The following ERI3 variants were observed in gnomAD, a reference collection of about 807,000 sequenced individuals.
The protein encoded by ERI3 is ERI1 exoribonuclease 3.
ERI3 carries 18 observed loss-of-function variants against 44.4 expected under a neutral mutation model. The ratio of observed to expected loss-of-function variants is 0.41; its 90% CI spans 0.28 to 0.60. ERI3 has a LOEUF of 0.60. ERI3 is among the 20% of genes least tolerant of loss of function. The probability of loss-of-function intolerance (pLI) is 0.36; values close to 1 mark genes in which losing one functional copy is unlikely to be tolerated. For missense variants in ERI3, 294 were observed against 435.5 expected, an observed-to-expected ratio of 0.68 and a Z score of 2.89; for synonymous variants, 183 against 164.8, an observed-to-expected ratio of 1.11 and a Z score of -0.84.
chr1:44,314,920 G>C (rs937217738), intron 4 of ERI3, among the ~76,000 whole-genome samples: 2 of 152,142 alleles, frequency 1.3e-5, no homozygotes, highest in African/African-American at 4.8e-5. Context: ...GCCGCAAACC[G>C]AGCAGGCAGT....
chr1:44,337,550 C>A (rs1178641869), intron 3 of ERI3, among the ~76,000 whole-genome samples: 1 of 152,190 alleles, frequency 6.6e-6, no homozygotes, highest in Non-Finnish European at 1.5e-5. Context: ...AGCTCCCAAG[C>A]TGCATTCCCT....
intron 3 of ERI3, 60 bp from the exon 4 acceptor site, chr1:44,319,804 A>C: frequency 8.3e-7 from 1 of 1,210,868 alleles, no homozygotes; most frequent in East Asian, 2.3e-5. Context: ...CATTTCCAAC[A>C]GTAGCTCCAA....
intron 8 of ERI3, among the ~76,000 whole-genome samples, chr1:44,223,040 C>A (rs1643940630): frequency 6.6e-6 from 1 of 152,204 alleles, no homozygotes; most frequent in Non-Finnish European, 1.5e-5. Context: ...CTGCTTTGGG[C>A]AGGCAAGTCA....
Position 44,314,162 on chromosome 1 carries a change from G to GA in ERI3, c.607-935_607-934insT, listed in dbSNP as rs1491342935. The stretch of plus-strand genomic sequence containing the variant: ...TTTTTTTAAAGTGTGTTGGGGGGGG[G>GA]GAGATTAAACTCCAATTAAACTATA... On this transcript the variant is annotated intron_variant, in intron 4 of 8. Coordinates refer to ENST00000372257, the MANE Select transcript of ERI3 (RefSeq NM_024066.3). Among the ~76,000 whole-genome samples, 7 of 150,994 alleles carry GA rather than the reference G, an allele frequency of 4.6e-5. 1 individual carries two copies. The highest frequency in any genetic ancestry group is 2.0e-4 in the Admixed American group (3 of 15,188).
chr1:44,322,891 T>C (rs1294288553), intron 3 of ERI3: 2 of 1,536,086 alleles, frequency 1.3e-6, no homozygotes, highest in Non-Finnish European at 1.8e-6. Context: ...TAGCTGATAA[T>C]GATCAGAGAT....
At chr1:44,292,111 T>A (rs2154324332) in intron 6 of ERI3, among the ~76,000 whole-genome samples, 1 of 152,306 alleles carries the variant, frequency 6.6e-6, no homozygotes, top group South Asian at 2.1e-4. Flanking sequence ...AGACCAAACC[T>A]GTAATGGCCT....
At chr1:44,258,122 T>C (rs539846582) in intron 7 of ERI3, among the ~76,000 whole-genome samples, 2 of 152,300 alleles carry the variant, frequency 1.3e-5, no homozygotes. Context: ...GCCCAAAGCT[T>C]TGAACCTGGC....
At chr1:44,230,680 G>A (rs1644161595) in intron 8 of ERI3, among the ~76,000 whole-genome samples, 1 of 152,174 alleles carries the variant, frequency 6.6e-6, no homozygotes. Context: ...ACTTTCTTGT[G>A]AGCACATGCT....
chr1:44,319,784 T>A (rs1429136445), intron 3 of ERI3, 40 bp from the exon 4 acceptor site: 3 of 1,416,830 alleles, frequency 2.1e-6, no homozygotes, highest in Admixed American at 3.4e-5. Flanking sequence ...AATAAGTTAT[T>A]GTAATCAACC....
chr1:44,236,698 G>C (rs953075513), intron 8 of ERI3, among the ~76,000 whole-genome samples: 2 of 152,112 alleles, frequency 1.3e-5, no homozygotes, highest in African/African-American at 4.8e-5. Context: ...AGGGGGGCAG[G>C]AGAGGGCAGC....
intron 7 of ERI3, among the ~76,000 whole-genome samples, chr1:44,253,086 G>A (rs1644714722): frequency 6.6e-6 from 1 of 152,196 alleles, no homozygotes; most frequent in East Asian, 1.9e-4. Context: ...TACTCCAGAG[G>A]ATAGGGAAGA....
chr1:44,254,397 C>A (rs1644741661), intron 7 of ERI3, among the ~76,000 whole-genome samples: 1 of 152,176 alleles, frequency 6.6e-6, no homozygotes, highest in Non-Finnish European at 1.5e-5. Context: ...CTCCCAGCCC[C>A]CGCCTACCCC....
intron 6 of ERI3, among the ~76,000 whole-genome samples, chr1:44,295,414 T>C (rs1645590141): frequency 6.6e-6 from 1 of 152,212 alleles, no homozygotes; most frequent in Non-Finnish European, 1.5e-5. Flanking sequence ...TATAGTTAGG[T>C]ATATGTGTGC....
At chr1:44,334,534 C>G (rs1475155935) in intron 3 of ERI3, among the ~76,000 whole-genome samples, 2 of 152,050 alleles carry the variant, frequency 1.3e-5, no homozygotes, top group Non-Finnish European at 2.9e-5. Flanking sequence ...AAATTTGGAC[C>G]CTCTAAAACA....
intron 7 of ERI3, among the ~76,000 whole-genome samples, chr1:44,253,773 A>C (rs1165879892): frequency 6.6e-6 from 1 of 152,172 alleles, no homozygotes; most frequent in Non-Finnish European, 1.5e-5. Context: ...ATGCAGAGAG[A>C]ACACAGATAG....
rs749716462 is a variant in ERI3 at position 44,339,173 on chromosome 1, T to C, written c.361A>G (p.Arg121Gly). 2 of 1,613,916 alleles carry C rather than the reference T, an allele frequency of 1.2e-6. No homozygotes were observed. Among genetic ancestry groups the C allele is most frequent in the Non-Finnish European group, 8.5e-7 (1 of 1,180,022 alleles). ...GVPEFCSIST[R>G]KLAAHGFGAS... The stretch of plus-strand genomic sequence containing the variant: ...CCAAAGCCGTGGGCCGCCAGCTTTC[T>C]GGTGGATATGGAGCAGAACTCCGGA... The change falls in exon 3 of 9, where the codon AGA becomes GGA. Residue 121 changes from arginine (R) to glycine (G), a missense_variant. Coordinates refer to ENST00000372257, the MANE Select transcript of ERI3 (RefSeq NM_024066.3).
chr1:44,303,691 A>T lies in ERI3; in HGVS notation c.758+4619T>A, dbSNP rs543506636. ...GGAGGGGTGTGGGGGTGCCACAGAG[A>T]GTAATGAGAAGTGAGGCTAAAGATG... On this transcript the variant is annotated intron_variant, in intron 6 of 8. Coordinates refer to ENST00000372257, the MANE Select transcript of ERI3 (RefSeq NM_024066.3). Among the ~76,000 whole-genome samples, 227 of 152,214 alleles carry T rather than the reference A, an allele frequency of 1.5e-3. 4 individuals are homozygous for T. Among genetic ancestry groups the T allele is most frequent in the African/African-American group, 5.2e-3 (217 of 41,542 alleles).
intron 6 of ERI3, among the ~76,000 whole-genome samples, chr1:44,290,834 C>T (rs1178855804): frequency 6.6e-6 from 1 of 152,128 alleles, no homozygotes; most frequent in Non-Finnish European, 1.5e-5. Flanking sequence ...GCCAGAGGTG[C>T]CTATCTCCTC....
intron 1 of ERI3, chr1:44,354,024 C>T: frequency 1.0e-6 from 1 of 985,318 alleles, no homozygotes; most frequent in Non-Finnish European, 1.2e-6. Context: ...ATAAACTAAG[C>T]TCCAAGCAAG....
Sources: allele counts gnomAD v4.1 joint callset (sites outside exome capture counted in the v4.1 genomes callset), GRCh38; gene constraint gnomAD v4.1.1; transcripts MANE v1.5; gene names NCBI Gene and HGNC (gene_info 2026-07-23, HGNC 2026-07-21).